Variants in ITPR1 observed in about 807,000 individuals in gnomAD.
ITPR1 encodes inositol 1,4,5-trisphosphate receptor type 1.
Under a neutral mutation model 318.4 loss-of-function variants are expected in ITPR1, and 96 were observed. That is an observed-to-expected ratio of 0.30 (90% CI 0.26 to 0.36). The LOEUF is 0.36. Ranked by LOEUF, ITPR1 falls within the 10% of genes least tolerant of loss-of-function variation. The probability of loss-of-function intolerance (pLI) is 1.00; values close to 1 mark genes in which losing one functional copy is unlikely to be tolerated. For missense variants in ITPR1, 2,440 were observed against 3,460.2 expected, an observed-to-expected ratio of 0.71 and a Z score of 7.40; for synonymous variants, 1,312 against 1,289.9, an observed-to-expected ratio of 1.02 and a Z score of -0.37.
chr3:4,669,150 A>T (rs879870882), intron 18 of ITPR1, among the ~76,000 whole-genome samples: 78 of 152,202 alleles, frequency 5.1e-4, no homozygotes, highest in African/African-American at 1.9e-3. Context: ...ACTTCCGTTA[A>T]TTATCTCATT....
At chr3:4,712,153 T>C (rs144385713) in intron 39 of ITPR1, among the ~76,000 whole-genome samples, 21 of 152,316 alleles carry the variant, frequency 1.4e-4, no homozygotes, top group Non-Finnish European at 2.6e-4. Context: ...TCTATTTAAA[T>C]TCCCAGTGAG....
Position 4,645,565 on chromosome 3 carries a change from C to T in ITPR1, c.709-17C>T, listed in dbSNP as rs946303140. On this transcript the variant is annotated splice_polypyrimidine_tract_variant and intron_variant, in intron 9 of 61. Coordinates refer to ENST00000649015, the MANE Select transcript of ITPR1 (RefSeq NM_001378452.1). Reference sequence around the variant, plus strand: ...TAAATTCTTTTTTCCTTAATTCTTTCTTGTGTTGACTGTCAGGGTGACGTG... The same window carrying T: ...TAAATTCTTTTTTCCTTAATTCTTTTTTGTGTTGACTGTCAGGGTGACGTG... The T allele has an allele frequency of 1.9e-6, 3 of 1,612,244 alleles. No homozygotes were observed. The highest frequency in any genetic ancestry group is 2.7e-5 in the African/African-American group (2 of 74,860).
chr3:4,724,780 T>A (rs1455624614), intron 40 of ITPR1, among the ~76,000 whole-genome samples: 9 of 152,124 alleles, frequency 5.9e-5, no homozygotes, highest in Non-Finnish European at 1.3e-4. Context: ...CACCTGCATG[T>A]CCTTTCGAGG....
chr3:4,702,821 T>G lies in ITPR1; in HGVS notation c.4537-9T>G. 10 of 1,613,342 alleles carry G rather than the reference T, an allele frequency of 6.2e-6. No individual in the cohort carries two copies. The highest frequency in any genetic ancestry group is 8.5e-6 in the Non-Finnish European group (10 of 1,179,508). ...TGTTTTTCACGTTGCCTCTTTTGGC[T>G]TCTTGCAGACTCGCCAGCCTGTCTT... On this transcript the variant is annotated splice_polypyrimidine_tract_variant and intron_variant, in intron 35 of 61. Transcript: ENST00000649015.
intron 61 of ITPR1, among the ~76,000 whole-genome samples, chr3:4,838,592 T>A (rs77603219): frequency 6.6e-6 from 1 of 152,246 alleles, no homozygotes; most frequent in African/African-American, 2.4e-5. Context: ...AAAGGAACAC[T>A]TCAGTTCTCC....
chr3:4,550,625 A>G (rs1480458615), intron 4 of ITPR1, among the ~76,000 whole-genome samples: 2 of 152,090 alleles, frequency 1.3e-5, no homozygotes, highest in African/African-American at 2.4e-5. Flanking sequence ...TGAAAGAAGT[A>G]AAAAAAAGAA....
At position 4,847,405 on chromosome 3, in the gene ITPR1, A is replaced by AAAC. The variant is rs1448066458; in HGVS notation, c.*1182_*1183insCAA. The AAAC allele has an allele frequency of 6.6e-6, 1 of 152,316 alleles. No homozygotes were observed. The highest frequency in any genetic ancestry group is 2.1e-4 in the South Asian group (1 of 4,820). The allele number at this position is 152,316 out of a possible 1,614,324, so 9.4% of individuals were successfully genotyped here. On this transcript the variant is annotated 3_prime_UTR_variant, in exon 62 of 62. Coordinates refer to ENST00000649015, the MANE Select transcript of ITPR1 (RefSeq NM_001378452.1). ...AAGAGAATCTCTCTGCAAAAAAAAA[A>AAAC]AAAACAGTTTAAAAATGCATTGAAA...
intron 61 of ITPR1, among the ~76,000 whole-genome samples, chr3:4,837,160 A>C (rs1559986477): frequency 6.6e-6 from 1 of 152,186 alleles, no homozygotes; most frequent in Non-Finnish European, 1.5e-5. Context: ...AGTGCTGCTC[A>C]GGACATGGTT....
intron 44 of ITPR1, among the ~76,000 whole-genome samples, chr3:4,742,326 G>A (rs540252241): frequency 6.6e-6 from 1 of 152,324 alleles, no homozygotes; most frequent in East Asian, 1.9e-4. Context: ...ATGGAGTTAC[G>A]AAGAACATGA....
chr3:4,831,119 T>C (rs1377806897), intron 60 of ITPR1: 1 of 272,442 alleles, frequency 3.7e-6, no homozygotes, highest in Non-Finnish European at 6.9e-6. Context: ...TCTCTCTCTC[T>C]CTCTCTCTCT....
At position 4,669,756 on chromosome 3, in the gene ITPR1, C is replaced by T. The variant is rs2094031945; in HGVS notation, c.1989C>T (p.Asp663=). The part of the protein sequence containing the change: ...CKAVLNPTNA[D]ILIETKLVLS... ...CTGTGCTGAACCCCACCAACGCTGA[C>T]ATCCTGATTGAGACCAAGTGAGTGG... Residue 663 remains aspartate, a synonymous_variant, in exon 19 of 62, where the codon GAC becomes GAT. Transcript: ENST00000649015. The T allele has an allele frequency of 6.2e-7, 1 of 1,612,008 alleles. No homozygotes were observed. The highest frequency in any genetic ancestry group is 1.7e-5 in the Admixed American group (1 of 59,932).
intron 4 of ITPR1, among the ~76,000 whole-genome samples, chr3:4,538,926 G>A (rs956713682): frequency 2.4e-4 from 37 of 152,190 alleles, no homozygotes; most frequent in African/African-American, 7.2e-4. Flanking sequence ...TAATGCATGC[G>A]GGGCTTAATA....
chr3:4,790,757 G>C (rs188845391), intron 52 of ITPR1, among the ~76,000 whole-genome samples: 1 of 152,154 alleles, frequency 6.6e-6, no homozygotes, highest in Non-Finnish European at 1.5e-5. Flanking sequence ...AGTGAGATCC[G>C]TCTGAGACTG....
chr3:4,675,339 C>T (rs1396410005), intron 23 of ITPR1, 91 bp downstream of exon 23: 2 of 872,914 alleles, frequency 2.3e-6, no homozygotes, highest in South Asian at 1.8e-5. Context: ...ATGCCACATC[C>T]TTTCTTTGTT....
intron 4 of ITPR1, among the ~76,000 whole-genome samples, chr3:4,521,519 A>C (rs886444392): frequency 6.6e-6 from 1 of 152,178 alleles, no homozygotes; most frequent in Non-Finnish European, 1.5e-5. Flanking sequence ...CACTGGAATG[A>C]AACGTTCTTA....
intron 42 of ITPR1, among the ~76,000 whole-genome samples, chr3:4,731,278 T>G (rs893255141): frequency 1.3e-5 from 2 of 152,216 alleles, no homozygotes; most frequent in African/African-American, 4.8e-5. Context: ...GGAATACCAG[T>G]AAAGTTGTAT....
chr3:4,695,649 T>C (rs1348230228), intron 33 of ITPR1, among the ~76,000 whole-genome samples: 1 of 152,212 alleles, frequency 6.6e-6, no homozygotes, highest in South Asian at 2.1e-4. Context: ...CAATATAGTT[T>C]AGTTTTGTGA....
chr3:4,549,010 C>A (rs1312776849), intron 4 of ITPR1, among the ~76,000 whole-genome samples: 3 of 152,122 alleles, frequency 2.0e-5, no homozygotes, highest in Non-Finnish European at 4.4e-5. Flanking sequence ...ACTTGTTTTT[C>A]TTCTTGGTCA....
chr3:4,591,606 T>C (rs1040279288), intron 4 of ITPR1, among the ~76,000 whole-genome samples: 21 of 152,242 alleles, frequency 1.4e-4, no homozygotes, highest in Admixed American at 1.3e-4. Flanking sequence ...AGCCTGACTA[T>C]TTTCCTGAAG....
Sources: allele counts gnomAD v4.1 joint callset (sites outside exome capture counted in the v4.1 genomes callset), GRCh38; gene constraint gnomAD v4.1.1; transcripts MANE v1.5; gene names NCBI Gene and HGNC (gene_info 2026-07-23, HGNC 2026-07-21).